The following MICU1 variants were observed in gnomAD, a reference collection of about 807,000 sequenced individuals.
MICU1 encodes the protein calcium uptake protein 1, mitochondrial.
A neutral mutation model predicts 56.8 loss-of-function variants in MICU1; 45 were observed. The ratio of observed to expected loss-of-function variants is 0.79; its 90% CI spans 0.62 to 1.02. MICU1 has a LOEUF of 1.02. MICU1 is among the 50% of genes least tolerant of loss of function. The pLI, the probability that MICU1 is intolerant of heterozygous loss-of-function variation, is 0.00. For synonymous variants in MICU1, 186 were observed against 195.1 expected (o/e 0.95, Z 0.39); for missense variants, 504 against 587.1 (o/e 0.86, Z 1.46).
At chr10:72,420,542 G>A (rs1864124555) in intron 9 of MICU1, among the ~76,000 whole-genome samples, 1 of 152,170 alleles carries the variant, frequency 6.6e-6, no homozygotes, top group African/African-American at 2.4e-5. Context: ...TTTAGTGCCA[G>A]GTTAGATTCT....
chr10:72,567,586 G>A (rs1316078544), intron 1 of MICU1, among the ~76,000 whole-genome samples: 1 of 152,154 alleles, frequency 6.6e-6, no homozygotes, highest in African/African-American at 2.4e-5. Context: ...CACTCTCTGT[G>A]ATGCCAGAAC....
chr10:72,544,621 T>C (rs1002560947), intron 4 of MICU1, among the ~76,000 whole-genome samples: 8 of 152,176 alleles, frequency 5.3e-5, no homozygotes, highest in Admixed American at 6.5e-5. Context: ...CCTCAAATAA[T>C]TGGCCAGCTA....
chr10:72,583,984 T>C (rs1444265537), intron 1 of MICU1, among the ~76,000 whole-genome samples: 7 of 152,196 alleles, frequency 4.6e-5, no homozygotes. Context: ...ATGATCTGGA[T>C]GAGAATGTAA....
intron 8 of MICU1, among the ~76,000 whole-genome samples, chr10:72,469,072 A>G (rs1865876478): frequency 6.6e-6 from 1 of 152,212 alleles, no homozygotes. Context: ...AACATGGGTA[A>G]AACATCACTA....
In MICU1 at chr10:72,388,573, T is replaced by C. The variant is rs541028646; in HGVS notation, c.1181-12701A>G. Among the ~76,000 whole-genome samples the C allele has an allele frequency of 5.6e-4, 85 of 152,116 alleles. 1 individual carries two copies. The highest frequency in any genetic ancestry group is 3.4e-3 in the Middle Eastern group (1 of 294). ...ACCTATACCTGAACAGAACAGACAA[T>C]TGTAGGGGAAAAAAAGGTCACATTT... On this transcript the variant is annotated intron_variant, in intron 10 of 11. Transcript: ENST00000361114.
chr10:72,624,275 G>A (rs991545574), intron 1 of MICU1, among the ~76,000 whole-genome samples: 1 of 152,156 alleles, frequency 6.6e-6, no homozygotes, highest in Non-Finnish European at 1.5e-5. Flanking sequence ...GCTCACTGCA[G>A]CCTCAACCTC....
At chr10:72,435,385 C>CAAAA (rs34955776) in intron 8 of MICU1, among the ~76,000 whole-genome samples, 1 of 48,052 alleles carries the variant, frequency 2.1e-5, no homozygotes, top group African/African-American at 6.1e-5. Context: ...GACCCTGTTA[C>CAAAA]AAAAAAAAAA....
chr10:72,566,644 A>G lies in MICU1; in HGVS notation c.150T>C (p.Leu50=), dbSNP rs923863456. The G allele has an allele frequency of 1.9e-6, 3 of 1,612,280 alleles. No homozygotes were observed. Among genetic ancestry groups the G allele is most frequent in the Non-Finnish European group, 2.5e-6 (3 of 1,179,256 alleles). Residue 50 remains leucine, a synonymous_variant, in exon 2 of 12, where the codon CTT becomes CTC. Coordinates refer to ENST00000361114, the MANE Select transcript of MICU1 (RefSeq NM_001195518.2). ...GASAVTASTG[L]LWKRAHAESP... Reference sequence around the variant, plus strand: ...TGGATAACACTCACCTCTTCCACAAAAGACCAGTACTTGCAGTTACTGCAG... The same window carrying G: ...TGGATAACACTCACCTCTTCCACAAGAGACCAGTACTTGCAGTTACTGCAG...
At chr10:72,402,150 G>GAA (rs11296493) in intron 10 of MICU1, among the ~76,000 whole-genome samples, 2 of 145,594 alleles carry the variant, frequency 1.4e-5, no homozygotes, top group East Asian at 2.0e-4. Flanking sequence ...AGATTTCTGA[G>GAA]AAAAAAAAAA....
In MICU1 at chr10:72,566,711, T is replaced by C. The variant is rs373032029; in HGVS notation, c.83A>G (p.Gln28Arg). The change falls in exon 2 of 12, where the codon CAG becomes CGG. Residue 28 changes from glutamine to arginine, a missense_variant. Coordinates refer to ENST00000361114, the MANE Select transcript of MICU1 (RefSeq NM_001195518.2). ...RWYHGGSQPIQIRRRLMMVAF... is the reference protein window; with the variant it reads ...RWYHGGSQPIRIRRRLMMVAF... ...CACCATCATTAGTCTTCGCCGGATC[T>C]GGATGGGCTGTGATCCTCCATGGTA... 113 of 1,612,618 alleles carry C rather than the reference T, an allele frequency of 7.0e-5. No individual in the cohort carries two copies. The highest frequency in any genetic ancestry group is 1.4e-4 in the South Asian group (13 of 90,732).
chr10:72,572,649 G>C (rs1276810906), intron 1 of MICU1, among the ~76,000 whole-genome samples: 1 of 151,790 alleles, frequency 6.6e-6, no homozygotes, highest in Non-Finnish European at 1.5e-5. Context: ...CAAACCAACA[G>C]AAAGTTGGGT....
chr10:72,543,688 T>C (rs1405703184), intron 4 of MICU1, among the ~76,000 whole-genome samples: 6 of 152,074 alleles, frequency 3.9e-5, no homozygotes, highest in Non-Finnish European at 7.4e-5. Context: ...ACCCCATCTC[T>C]ACCAAAAATA....
chr10:72,584,770 G>C (rs1840999900), intron 1 of MICU1, among the ~76,000 whole-genome samples: 1 of 152,082 alleles, frequency 6.6e-6, no homozygotes, highest in Non-Finnish European at 1.5e-5. Flanking sequence ...TTGAACTGCT[G>C]AGCTCAAGTG....
chr10:72,452,307 CA>C (rs1272151642), intron 8 of MICU1, among the ~76,000 whole-genome samples: 1 of 152,164 alleles, frequency 6.6e-6, no homozygotes, highest in Non-Finnish European at 1.5e-5. Flanking sequence ...CTTGCCATAC[CA>C]GAGAAGACTG....
intron 3 of MICU1, among the ~76,000 whole-genome samples, chr10:72,555,862 C>G (rs1280617206): frequency 6.6e-6 from 1 of 152,178 alleles, no homozygotes; most frequent in East Asian, 1.9e-4. Context: ...GAAGAATGGG[C>G]TCTTTCTATT....
chr10:72,602,565 T>G (rs112416535), intron 1 of MICU1, among the ~76,000 whole-genome samples: 6 of 152,212 alleles, frequency 3.9e-5, no homozygotes, highest in African/African-American at 1.4e-4. Context: ...CTGTAAAGCT[T>G]TAACCTAAGA....
At chr10:72,428,503 G>A (rs1405263569) in intron 8 of MICU1, among the ~76,000 whole-genome samples, 1 of 152,104 alleles carries the variant, frequency 6.6e-6, no homozygotes, top group Non-Finnish European at 1.5e-5. Flanking sequence ...TGGTAGAGAT[G>A]GGGTTTCACC....
At position 72,543,804 on chromosome 10, in the gene MICU1, C is replaced by T. The variant is rs1449671025; in HGVS notation, c.493+7375G>A. 9.9e-5 allele frequency among the ~76,000 whole-genome samples: 15 copies of T among 151,714 alleles called. No individual in the cohort carries two copies. The South Asian group carries it at 2.3e-3, about 23-fold the overall frequency. The stretch of plus-strand genomic sequence containing the variant: ...GGCAGAGCTTGCAGTGAGCTGAGAT[C>T]GCACCAGTGCACTCCAGCCTGGGTG... On this transcript the variant is annotated intron_variant, in intron 4 of 11. Transcript: ENST00000361114.
At chr10:72,451,624 C>G (rs1461494124) in intron 8 of MICU1, among the ~76,000 whole-genome samples, 1 of 151,562 alleles carries the variant, frequency 6.6e-6, no homozygotes. Flanking sequence ...CTCACTGCAG[C>G]CTTGAACTCT....
Sources: allele counts gnomAD v4.1 joint callset (sites outside exome capture counted in the v4.1 genomes callset), GRCh38; gene constraint gnomAD v4.1.1; transcripts MANE v1.5; gene names NCBI Gene and HGNC (gene_info 2026-07-23, HGNC 2026-07-21).